Variants in AMTN observed in about 807,000 individuals in gnomAD.
AMTN encodes RSTI689.
A neutral mutation model predicts 27.4 loss-of-function variants in AMTN; 29 were observed. That is an observed-to-expected ratio of 1.06 (90% CI 0.79 to 1.44). AMTN has a LOEUF of 1.44. Among genes scored for constraint, AMTN ranks in the 40% most tolerant of loss-of-function variants. AMTN has a pLI of 0.00. For missense variants in AMTN, 247 were observed against 248.8 expected, an observed-to-expected ratio of 0.99 and a Z score of 0.05; for synonymous variants, 86 against 95.7, an observed-to-expected ratio of 0.90 and a Z score of 0.59.
chr4:70,522,958 T>C, intron 3 of AMTN, 120 bp downstream of exon 3: 1 of 878,426 alleles, frequency 1.1e-6, no homozygotes, highest in South Asian at 1.8e-5. Context: ...ACATGAAGAC[T>C]GTACAAGACT....
chr4:70,529,271 C>T, intron 7 of AMTN, 61 bp downstream of exon 7: 2 of 1,255,668 alleles, frequency 1.6e-6, no homozygotes, highest in Non-Finnish European at 2.2e-6. Context: ...GTTTTCTGTC[C>T]TCATATAGTC....
Position 70,532,600 on chromosome 4 carries a change from A to G in AMTN, c.*135A>G. The G allele has an allele frequency of 1.2e-6, 1 of 806,462 alleles. No individual in the cohort carries two copies. The highest frequency in any genetic ancestry group is 1.9e-6 in the Non-Finnish European group (1 of 523,724). The allele number at this position is 806,462 out of a possible 1,614,324, so 50.0% of individuals were successfully genotyped here. On this transcript the variant is annotated 3_prime_UTR_variant, in exon 9 of 9. Coordinates refer to ENST00000339336, the MANE Select transcript of AMTN (RefSeq NM_212557.4). Reference sequence around the variant, plus strand: ...GAAATTAATTCTTAATTTACCTGAAAATATTCTTGAAATTTCAGAAAATAT... The same window carrying G: ...GAAATTAATTCTTAATTTACCTGAAGATATTCTTGAAATTTCAGAAAATAT...
chr4:70,531,581 C>T (rs113061217), intron 8 of AMTN, among the ~76,000 whole-genome samples: 14 of 152,164 alleles, frequency 9.2e-5, no homozygotes, highest in African/African-American at 3.1e-4. Context: ...GGCATGATCT[C>T]GGCTCACTGC....
chr4:70,520,244 G>A (rs1318930104), intron 2 of AMTN, among the ~76,000 whole-genome samples: 1 of 152,198 alleles, frequency 6.6e-6, no homozygotes, highest in Non-Finnish European at 1.5e-5. Flanking sequence ...AGCTAGTGGG[G>A]CAGGGCAGCA....
intron 2 of AMTN, among the ~76,000 whole-genome samples, chr4:70,521,768 C>T (rs1735975555): frequency 6.8e-6 from 1 of 148,012 alleles, no homozygotes; most frequent in South Asian, 2.2e-4. Context: ...TATAAGCGTG[C>T]ACCACCATGC....
intron 4 of AMTN, 43 bp downstream of exon 4, chr4:70,523,976 A>T (rs1375053938): frequency 6.6e-7 from 1 of 1,521,436 alleles, no homozygotes. Context: ...TTGTGAAATA[A>T]ATATAATGCC....
At chr4:70,531,337 T>C (rs1401666628) in intron 8 of AMTN, 37 bp downstream of exon 8, 2 of 1,608,864 alleles carry the variant, frequency 1.2e-6, no homozygotes, top group Admixed American at 3.3e-5. Flanking sequence ...TTCTTGGCTA[T>C]AAAAGTCATC....
intron 3 of AMTN, among the ~76,000 whole-genome samples, chr4:70,523,161 G>A (rs956793727): frequency 1.3e-5 from 2 of 152,144 alleles, no homozygotes; most frequent in Non-Finnish European, 2.9e-5. Flanking sequence ...GTCATCTATG[G>A]ACTTGAGGTA....
intron 2 of AMTN, among the ~76,000 whole-genome samples, chr4:70,519,380 C>T (rs140409068): frequency 0.011 from 1,628 of 152,226 alleles, 19 homozygotes; most frequent in Middle Eastern, 0.014. Context: ...ATAACTCCAA[C>T]ATTTACTCCA....
chr4:70,523,986 C>T, intron 4 of AMTN, 53 bp downstream of exon 4: 2 of 1,460,218 alleles, frequency 1.4e-6, no homozygotes, highest in Admixed American at 1.7e-5. Context: ...AATATAATGC[C>T]TAATATTACA....
rs763143860 is a variant in AMTN at position 70,521,640 on chromosome 4, C to CTTTTTTTTTTTTTTTTTTTTTTT, written c.55-1101_55-1079dup. Among the ~76,000 whole-genome samples the CTTTTTTTTTTTTTTTTTTTTTTT allele has an allele frequency of 7.8e-5, 6 of 76,468 alleles. 2 individuals are homozygous for CTTTTTTTTTTTTTTTTTTTTTTT. The highest frequency in any genetic ancestry group is 1.1e-3 in the East Asian group (2 of 1,886). 50.2% of individuals were successfully genotyped at this position (76,468 alleles called of 152,430 possible). ...CCTAGAACAGATAATACCAACCTCT[C>CTTTTTTTTTTTTTTTTTTTTTTT]TTTTTTTTTTTTTTTTTTTTTTTTT... is the stretch of plus-strand genomic sequence containing the variant. On this transcript the variant is annotated intron_variant, in intron 2 of 8. Coordinates refer to ENST00000339336, the MANE Select transcript of AMTN (RefSeq NM_212557.4).
At chr4:70,523,986 CTAA>C (rs1736040400) in intron 4 of AMTN, 53 bp downstream of exon 4, 2 of 1,460,100 alleles carry the variant, frequency 1.4e-6, no homozygotes, top group African/African-American at 1.4e-5. Context: ...AATATAATGC[CTAA>C]TATTACAGTG....
chr4:70,529,110 G>A, intron 6 of AMTN, 74 bp from the exon 7 acceptor site: 3 of 1,267,602 alleles, frequency 2.4e-6, no homozygotes, highest in Non-Finnish European at 3.2e-6. Context: ...TAAGTTTTAA[G>A]TGATATTATA....
intron 5 of AMTN, among the ~76,000 whole-genome samples, chr4:70,525,467 A>G (rs772357008): frequency 6.6e-6 from 1 of 152,212 alleles, no homozygotes; most frequent in Non-Finnish European, 1.5e-5. Context: ...TTTCAAAAAA[A>G]CGAAACCTGA....
chr4:70,524,074 AGAGAG>A (rs1246332033), intron 4 of AMTN, 141 bp downstream of exon 4: 3 of 638,006 alleles, frequency 4.7e-6, no homozygotes, highest in East Asian at 2.8e-5. Context: ...ATAAGTTGAA[AGAGAG>A]GAGAGAAGAG....
At chr4:70,526,934 T>C (rs1467310153) in intron 5 of AMTN, among the ~76,000 whole-genome samples, 1 of 152,192 alleles carries the variant, frequency 6.6e-6, no homozygotes, top group Non-Finnish European at 1.5e-5. Flanking sequence ...TGCCTTTCCC[T>C]GTGCAGAGTG....
At chr4:70,523,292 G>A (rs973368299) in intron 3 of AMTN, among the ~76,000 whole-genome samples, 4 of 152,156 alleles carry the variant, frequency 2.6e-5, no homozygotes, top group Admixed American at 6.5e-5. Flanking sequence ...ATGTGTTGAT[G>A]TGTTGCTGTT....
rs1054622029 is a variant in AMTN, at chr4:70,525,021, G to C, written c.294+60G>C. ...AGAGAGCATTTTCTCTCAGGTGAAA[G>C]CCTACAGTAGAAATTTTTTAAAGCT... On this transcript the variant is annotated intron_variant, in intron 5 of 8. Coordinates refer to ENST00000339336, the MANE Select transcript of AMTN (RefSeq NM_212557.4). 7.4e-6 allele frequency: 11 copies of C among 1,489,418 alleles called. No individual in the cohort carries two copies. The African/African-American group carries it at 9.9e-5, about 13-fold the overall frequency. 92.3% of individuals were successfully genotyped at this position (1,489,418 alleles called of 1,614,324 possible).
chr4:70,521,262 C>G (rs1164434031), intron 2 of AMTN, among the ~76,000 whole-genome samples: 1 of 151,720 alleles, frequency 6.6e-6, no homozygotes, highest in Non-Finnish European at 1.5e-5. Context: ...CACCGGTAAT[C>G]CCAGCTACTC....
Sources: gnomAD v4.1 joint callset for allele counts (sites outside exome capture counted in the v4.1 genomes callset) on GRCh38, gnomAD v4.1.1 for gene constraint, MANE v1.5 for transcripts, NCBI Gene and HGNC (gene_info 2026-07-23, HGNC 2026-07-21) for gene names.